Variants in SYT3 observed in about 807,000 individuals in gnomAD.
SYT3 encodes synaptotagmin 3.
Under a neutral mutation model 50.6 loss-of-function variants are expected in SYT3, and 25 were observed. The ratio of observed to expected loss-of-function variants is 0.49; its 90% confidence interval spans 0.36 to 0.69. The LOEUF (loss-of-function observed/expected upper bound fraction) is 0.69, where lower values mean the gene tolerates loss of function less well. SYT3 is among the 30% of genes least tolerant of loss of function. SYT3 has a pLI of 0.00. For synonymous variants in SYT3, 323 were observed against 353.9 expected, an observed-to-expected ratio of 0.91 and a Z score of 0.98; for missense variants, 589 against 793.6, an observed-to-expected ratio of 0.74 and a Z score of 3.10.
chr19:50,643,196 C>T (rs1229861919), upstream of SYT3, among the ~76,000 whole-genome samples: 1 of 151,976 alleles, frequency 6.6e-6, no homozygotes, highest in Non-Finnish European at 1.5e-5. Context: ...CATAGTGAGA[C>T]CTCATTTCTA....
the SYT3 span, among the ~76,000 whole-genome samples, chr19:50,648,454 C>A: frequency 6.6e-6 from 1 of 152,130 alleles, no homozygotes; most frequent in Non-Finnish European, 1.5e-5. Flanking sequence ...CAAGGACAGA[C>A]AAAACAAATA....
the SYT3 span, among the ~76,000 whole-genome samples, chr19:50,657,629 G>T: frequency 6.6e-6 from 1 of 152,200 alleles, no homozygotes; most frequent in Non-Finnish European, 1.5e-5. Context: ...AAATTTTCAA[G>T]AACTTTCAGG....
intron 4 of SYT3, among the ~76,000 whole-genome samples, chr19:50,631,673 C>T (rs1259623830): frequency 1.3e-5 from 2 of 151,980 alleles, no homozygotes; most frequent in African/African-American, 4.8e-5. Context: ...CAGGTCTCAG[C>T]TGAGACATCT....
At chr19:50,644,552 G>A (rs1443187183), upstream of SYT3, among the ~76,000 whole-genome samples, 2 of 151,012 alleles carry the variant, frequency 1.3e-5, no homozygotes, top group Non-Finnish European at 3.0e-5. Flanking sequence ...GAGTGGATGA[G>A]TGGATAGTTG....
chr19:50,635,553 C>G (rs575871269), intron 3 of SYT3, among the ~76,000 whole-genome samples: 2 of 152,284 alleles, frequency 1.3e-5, no homozygotes, highest in African/African-American at 2.4e-5. Context: ...AACCTCTAAG[C>G]CCATGGAATG....
chr19:50,628,423 T>C (rs1830465414), intron 6 of SYT3, among the ~76,000 whole-genome samples: 1 of 152,034 alleles, frequency 6.6e-6, no homozygotes, highest in African/African-American at 2.4e-5. Context: ...CTGGGAGAAC[T>C]GAGGAGTGTC....
In SYT3 at chr19:50,629,968, T is replaced by C; in HGVS notation, c.878A>G (p.Glu293Gly). 2 of 1,613,664 alleles carry C rather than the reference T, an allele frequency of 1.2e-6. No homozygotes were observed. Among genetic ancestry groups the C allele is most frequent in the Non-Finnish European group, 1.7e-6 (2 of 1,179,822 alleles). The change falls in exon 5 of 11, where the codon GAG becomes GGG. Residue 293 changes from glutamate to glycine, a missense_variant. Coordinates refer to ENST00000600079, the MANE Select transcript of SYT3 (RefSeq NM_001160329.2). ...RRSGGGPGSGEAGTGAPCGRI... is the reference protein window; with the variant it reads ...RRSGGGPGSGGAGTGAPCGRI... The stretch of plus-strand genomic sequence containing the variant: ...GCCACAGGGTGCCCCTGTGCCTGCC[T>C]CTCCAGAGCCTGGGCCCCCACCGCT...
chr19:50,627,726 C>CA (rs36099001), intron 6 of SYT3, among the ~76,000 whole-genome samples: 157 of 96,332 alleles, frequency 1.6e-3, no homozygotes, highest in East Asian at 0.014. Flanking sequence ...GACTCTGTCT[C>CA]AAAAAAAAAA....
Position 50,625,290 on chromosome 19 carries a change from C to T in SYT3, c.1579G>A (p.Gly527Arg). The change falls in exon 9 of 11, where the codon GGG becomes AGG. Residue 527 changes from glycine (G) to arginine (R), a missense_variant. By Grantham distance (125) the Gly-to-Arg change is moderately radical. Coordinates refer to ENST00000600079, the MANE Select transcript of SYT3 (RefSeq NM_001160329.2). The surrounding 1 kb of genome is among the most constrained non-coding windows in gnomAD (Gnocchi z 7.5). ...CACACGCCGATCACCTCGTTGTGCC[C>T]GATGCTGGGGGTTGGGGTCAGTGAG... ...SIAVVDYDCI[G>R]HNEVIGVCRV... is the part of the protein sequence containing the mutation. 4 of 1,535,952 alleles carry T rather than the reference C, an allele frequency of 2.6e-6. No homozygotes were observed. Among genetic ancestry groups the T allele is most frequent in the Non-Finnish European group, 3.5e-6 (4 of 1,143,694 alleles).
chr19:50,634,024 G>A lies in SYT3; in HGVS notation c.149-1213C>T, dbSNP rs1015132225. 1.4e-4 allele frequency among the ~76,000 whole-genome samples: 21 copies of A among 152,286 alleles called. 1 individual carries two copies. The highest frequency in any genetic ancestry group is 9.2e-4 in the Admixed American group (14 of 15,298). On this transcript the variant is annotated intron_variant, in intron 3 of 10. Transcript: ENST00000600079. ...AAATCCTATTGCTGCCACTATGTGCGTCCAACACCATCAACAAGATAGCTA... is the reference window on the plus strand; with the variant it reads ...AAATCCTATTGCTGCCACTATGTGCATCCAACACCATCAACAAGATAGCTA...
the SYT3 span, among the ~76,000 whole-genome samples, chr19:50,646,505 C>T: frequency 2.0e-5 from 3 of 152,192 alleles, no homozygotes; most frequent in East Asian, 1.9e-4. Context: ...GCCCTTGTGG[C>T]GTGATGCCAG....
chr19:50,629,435 G>A lies in SYT3; in HGVS notation c.1140C>T (p.Arg380=). The stretch of plus-strand genomic sequence containing the variant: ...AGTCATAGACGCTGAAGTGCAGTTT[G>A]CGTTGGGCCAGCTCGGCCAGGGGCA... ...FSVPLAELAQ[R]KLHFSVYDFD... is the part of the protein sequence containing the mutation. The change falls in exon 6 of 11, where the codon CGC becomes CGT. Residue 380 remains arginine (R), a synonymous_variant. Coordinates refer to ENST00000600079, the MANE Select transcript of SYT3 (RefSeq NM_001160329.2). 6.2e-7 allele frequency: 1 copy of A among 1,614,102 alleles called. No homozygotes were observed. Among genetic ancestry groups the A allele is most frequent in the South Asian group, 1.1e-5 (1 of 91,080 alleles).
chr19:50,641,687 A>G (rs1816833880), upstream of SYT3, among the ~76,000 whole-genome samples: 1 of 151,962 alleles, frequency 6.6e-6, no homozygotes, highest in Non-Finnish European at 1.5e-5. Context: ...CTCTACAAAA[A>G]ATACAAAAAT....
the SYT3 span, among the ~76,000 whole-genome samples, chr19:50,647,911 G>A: frequency 6.6e-6 from 1 of 152,190 alleles, no homozygotes; most frequent in Admixed American, 6.5e-5. Context: ...AGAAGCAGAT[G>A]TGAAGATGCC....
chr19:50,626,628 C>T (rs1408079520), intron 6 of SYT3, among the ~76,000 whole-genome samples: 1 of 137,470 alleles, frequency 7.3e-6, no homozygotes, highest in African/African-American at 2.8e-5. Flanking sequence ...GAGAGGAGGA[C>T]AGACCCAGAG....
rs921197393 is a variant in SYT3 at position 50,625,455 on chromosome 19, G to A, written c.1512C>T (p.Phe504=). The stretch of plus-strand genomic sequence containing the variant: ...TCTCCACGCTCTCGGGGGCCACGTC[G>A]AACACCAGCGCCTCATTATAGGTGG... The part of the protein sequence containing the change: ...LNPTYNEALV[F]DVAPESVENV... The change falls in exon 8 of 11, where the codon TTC becomes TTT. Residue 504 remains phenylalanine (F), a synonymous_variant. Coordinates refer to ENST00000600079, the MANE Select transcript of SYT3 (RefSeq NM_001160329.2). The surrounding 1 kb of genome is among the most constrained non-coding windows in gnomAD (Gnocchi z 7.5). 5.0e-6 allele frequency: 8 copies of A among 1,592,140 alleles called. 1 individual carries two copies. The African/African-American group carries it at 6.7e-5, about 13-fold the overall frequency.
At chr19:50,623,962 C>CTTT (rs950343718) in intron 9 of SYT3, among the ~76,000 whole-genome samples, 4 of 139,222 alleles carry the variant, frequency 2.9e-5, no homozygotes, top group Middle Eastern at 3.7e-3. Flanking sequence ...CATATACTTG[C>CTTT]TTTTTTTTTT....
upstream of SYT3, among the ~76,000 whole-genome samples, chr19:50,643,361 T>TC (rs954457140): frequency 6.6e-5 from 10 of 151,092 alleles, no homozygotes; most frequent in Non-Finnish European, 1.3e-4. Context: ...CCTTCTTGCA[T>TC]CCCCCCGGAT....
the SYT3 span, among the ~76,000 whole-genome samples, chr19:50,651,763 A>T: frequency 6.6e-6 from 1 of 152,052 alleles, no homozygotes. Flanking sequence ...ATAAGTACTT[A>T]TTTTTAAGTT....
Sources: gnomAD v4.1 joint callset for allele counts (sites outside exome capture counted in the v4.1 genomes callset) on GRCh38, gnomAD v4.1.1 for gene constraint, Gnocchi (gnomAD v3.1) non-coding constraint, MANE v1.5 for transcripts, NCBI Gene and HGNC (gene_info 2026-07-23, HGNC 2026-07-21) for gene names.